The following PKNOX2 variants were observed in gnomAD, a reference collection of about 807,000 sequenced individuals.
PKNOX2 encodes the protein homeobox protein PKNOX2.
A neutral mutation model predicts 53.1 loss-of-function variants in PKNOX2; 14 were observed. That is an observed-to-expected ratio of 0.26 (90% CI 0.17 to 0.41). PKNOX2 has a LOEUF of 0.41. Among genes scored for constraint, PKNOX2 ranks in the 10% least tolerant of loss-of-function variants. The pLI is 1.00. For missense variants in PKNOX2, 496 were observed against 602.8 expected (o/e 0.82, Z 1.85); for synonymous variants, 257 against 242.8 (o/e 1.06, Z -0.54).
chr11:125,208,391 A>G (rs1389155489), intron 1 of PKNOX2, among the ~76,000 whole-genome samples: 1 of 152,102 alleles, frequency 6.6e-6, no homozygotes, highest in Non-Finnish European at 1.5e-5. Flanking sequence ...GCACTTTTCT[A>G]TAGCCCACAA....
intron 1 of PKNOX2, among the ~76,000 whole-genome samples, chr11:125,191,622 A>C (rs1253848676): frequency 6.6e-6 from 1 of 152,044 alleles, no homozygotes; most frequent in African/African-American, 2.4e-5. Context: ...ACTAGATTCC[A>C]CTGTTGGGAA....
At chr11:125,300,591 C>CAG (rs926484994) in intron 2 of PKNOX2, among the ~76,000 whole-genome samples, 6 of 151,640 alleles carry the variant, frequency 4.0e-5, no homozygotes, top group Admixed American at 2.0e-4. Flanking sequence ...GACAGAGAGA[C>CAG]AGAGAGAGAC....
chr11:125,354,543 G>A (rs946337533), intron 4 of PKNOX2, among the ~76,000 whole-genome samples: 4 of 152,150 alleles, frequency 2.6e-5, no homozygotes, highest in South Asian at 2.1e-4. Context: ...AGACCCATGC[G>A]ATCGTTTTAA....
intron 1 of PKNOX2, among the ~76,000 whole-genome samples, chr11:125,207,705 A>G (rs2135431312): frequency 6.6e-6 from 1 of 152,188 alleles, no homozygotes; most frequent in East Asian, 1.9e-4. Flanking sequence ...GAGAGGTTTT[A>G]GTGGCAAGTC....
At chr11:125,186,911 A>G (rs1352541953) in intron 1 of PKNOX2, among the ~76,000 whole-genome samples, 1 of 152,188 alleles carries the variant, frequency 6.6e-6, no homozygotes, top group Non-Finnish European at 1.5e-5. Flanking sequence ...TAGGGCTCCA[A>G]CTTTATTCTT....
Position 125,361,645 on chromosome 11 carries a change from T to C in PKNOX2, c.88-6201T>C, listed in dbSNP as rs1951932934. On this transcript the variant is annotated intron_variant, in intron 4 of 12. Transcript: ENST00000298282. ...GTTACATATGTATACATGTGCCATG[T>C]TGGTGTGCTGCACCCATTAACTCAT... Among the ~76,000 whole-genome samples, 5 of 152,344 alleles carry C rather than the reference T, an allele frequency of 3.3e-5. No homozygotes were observed. In the South Asian group the frequency reaches 1.0e-3, roughly 32 times the overall value.
intron 1 of PKNOX2, among the ~76,000 whole-genome samples, chr11:125,213,367 A>G (rs1288233337): frequency 6.6e-6 from 1 of 152,144 alleles, no homozygotes; most frequent in Non-Finnish European, 1.5e-5. Context: ...TTAAATGGGA[A>G]TAAGACCATT....
At chr11:125,366,980 G>A (rs1952222823) in intron 4 of PKNOX2, among the ~76,000 whole-genome samples, 1 of 152,186 alleles carries the variant, frequency 6.6e-6, no homozygotes, top group Non-Finnish European at 1.5e-5. Context: ...CCACATGTGG[G>A]GAGAGCTACC....
Position 125,397,939 on chromosome 11 carries a change from C to T in PKNOX2, c.465C>T (p.Cys155=). The T allele has an allele frequency of 6.2e-7, 1 of 1,614,114 alleles. No individual in the cohort carries two copies. Among genetic ancestry groups the T allele is most frequent in the South Asian group, 1.1e-5 (1 of 91,080 alleles). ...LLELEKVNEL[C]KDFCNRYITC... ...AGCTGGAGAAAGTCAATGAACTCTG[C>T]AAGGACTTTTGTAACCGTTACATCA... is the stretch of plus-strand genomic sequence containing the variant. The change falls in exon 7 of 13, where the codon TGC becomes TGT. Residue 155 remains cysteine, a synonymous_variant. Transcript: ENST00000298282.
intron 1 of PKNOX2, among the ~76,000 whole-genome samples, chr11:125,224,861 G>A (rs958072916): frequency 5.3e-5 from 8 of 152,280 alleles, no homozygotes; most frequent in African/African-American, 1.4e-4. Context: ...CAATATTCAG[G>A]ACCGCCCCCC....
intron 5 of PKNOX2, among the ~76,000 whole-genome samples, chr11:125,373,608 G>C (rs1006753210): frequency 6.6e-6 from 1 of 152,252 alleles, no homozygotes; most frequent in Non-Finnish European, 1.5e-5. Context: ...GTGTCAGGCA[G>C]GAGCTTGTGA....
intron 2 of PKNOX2, among the ~76,000 whole-genome samples, chr11:125,249,137 G>A (rs1487487285): frequency 7.4e-6 from 1 of 135,806 alleles, no homozygotes; most frequent in Non-Finnish European, 1.6e-5. Context: ...TACTGGTAGA[G>A]TTTTGTAAAC....
At chr11:125,368,032 C>A (rs1952288450) in intron 5 of PKNOX2, 47 bp downstream of exon 5, 1 of 1,583,758 alleles carries the variant, frequency 6.3e-7, no homozygotes, top group African/African-American at 1.4e-5. Context: ...CAGCTTCAGG[C>A]CCAGCTCAGC....
intron 10 of PKNOX2, among the ~76,000 whole-genome samples, chr11:125,412,955 G>A (rs935932184): frequency 1.3e-5 from 2 of 152,216 alleles, no homozygotes; most frequent in Non-Finnish European, 2.9e-5. Flanking sequence ...AGTGGCAGCA[G>A]AAGACTGACT....
chr11:125,234,624 C>T (rs1160188436), intron 1 of PKNOX2, among the ~76,000 whole-genome samples: 2 of 152,166 alleles, frequency 1.3e-5, no homozygotes, highest in Non-Finnish European at 2.9e-5. Context: ...GTCTAGATTG[C>T]AAAGTTTCAT....
intron 2 of PKNOX2, among the ~76,000 whole-genome samples, chr11:125,306,725 G>A (rs867082281): frequency 1.3e-5 from 2 of 152,218 alleles, no homozygotes; most frequent in Admixed American, 6.5e-5. Flanking sequence ...GCTTGAAAAT[G>A]CAGACTCTGG....
chr11:125,387,161 A>T (rs1953695952), intron 6 of PKNOX2, among the ~76,000 whole-genome samples: 2 of 152,122 alleles, frequency 1.3e-5, no homozygotes, highest in South Asian at 4.1e-4. Flanking sequence ...GCTCCGGCTG[A>T]TCAGAACCAT....
chr11:125,429,165 A>G, intron 11 of PKNOX2, 77 bp downstream of exon 11: 3 of 1,366,680 alleles, frequency 2.2e-6, no homozygotes, highest in South Asian at 2.4e-5. Context: ...TAGCAGGGAA[A>G]AGAGACTCGA....
intron 2 of PKNOX2, among the ~76,000 whole-genome samples, chr11:125,242,123 G>A (rs1943198318): frequency 1.3e-5 from 2 of 152,132 alleles, no homozygotes; most frequent in African/African-American, 4.8e-5. Flanking sequence ...TTCATCTGTG[G>A]TTCCCCGTCT....
Sources: allele counts gnomAD v4.1 joint callset (sites outside exome capture counted in the v4.1 genomes callset), GRCh38; gene constraint gnomAD v4.1.1; transcripts MANE v1.5; gene names NCBI Gene and HGNC (gene_info 2026-07-23, HGNC 2026-07-21).